HSPG2: variants seen among roughly 807,000 people sequenced by gnomAD.
The protein encoded by HSPG2 is heparan sulfate proteoglycan 2.
A neutral mutation model predicts 526.6 loss-of-function variants in HSPG2; 278 were observed. The ratio of observed to expected loss-of-function variants is 0.53; its 90% CI spans 0.48 to 0.58. The LOEUF is 0.58. Among genes scored for constraint, HSPG2 ranks in the 20% least tolerant of loss-of-function variants. The pLI, the probability that HSPG2 is intolerant of heterozygous loss-of-function variation, is 0.00. For synonymous variants in HSPG2, 2,465 were observed against 2,555.4 expected (o/e 0.96, Z 1.07); for missense variants, 5,354 against 6,099.5 (o/e 0.88, Z 4.07).
At chr1:21,870,934 G>C in intron 33 of HSPG2, 1 of 951,568 alleles carries the variant, frequency 1.1e-6, no homozygotes, top group Non-Finnish European at 1.3e-6. Context: ...TTGCAGGACA[G>C]GGCAGCAGGG....
intron 1 of HSPG2, among the ~76,000 whole-genome samples, chr1:21,897,287 C>T (rs1642820304): frequency 6.6e-6 from 1 of 152,210 alleles, no homozygotes; most frequent in South Asian, 2.1e-4. Context: ...CACAGACTGG[C>T]AATGGCCTGG....
At chr1:21,878,746 C>A (rs1267353605) in intron 18 of HSPG2, 83 bp from the exon 19 acceptor site, 1 of 1,350,604 alleles carries the variant, frequency 7.4e-7, no homozygotes, top group Non-Finnish European at 1.1e-6. Flanking sequence ...CTGCTGTCTA[C>A]ACAGACACAG....
In HSPG2 at chr1:21,872,755, C is replaced by G. The variant is rs147438001; in HGVS notation, c.3894G>C (p.Gln1298His). The G allele has an allele frequency of 1.4e-5, 22 of 1,608,236 alleles. No homozygotes were observed. The African/African-American group carries it at 2.7e-4, about 20-fold the overall frequency. ...AGTGGCTGCAAGTGAGGCCTTCCAC[C>G]TGGGCCTGGGTAGACGGATGGAAGG... ...DAAGQCQCKA[Q>H]VEGLTCSHCR... The change falls in exon 32 of 97, where the codon CAG (glutamine) becomes CAC (histidine). Residue 1298 changes from glutamine (Q) to histidine (H), a missense_variant. Coordinates refer to ENST00000374695, the MANE Select transcript of HSPG2 (RefSeq NM_005529.7). The surrounding 1 kb of genome is among the most constrained non-coding windows in gnomAD (Gnocchi z 5.5).
intron 1 of HSPG2, among the ~76,000 whole-genome samples, chr1:21,907,715 T>C (rs1202075534): frequency 2.0e-5 from 3 of 152,166 alleles, no homozygotes; most frequent in African/African-American, 7.2e-5. Context: ...GGTCTCGCTA[T>C]GTTGCCCAGG....
rs772757002 is a variant in HSPG2, at chr1:21,823,661, G to C, written c.12958C>G (p.Pro4320Ala). Residue 4320 changes from proline to alanine, a missense_variant, in exon 96 of 97, where the codon CCA becomes GCA. Physicochemically the swap from Pro to Ala is conservative, Grantham distance 27. Transcript: ENST00000374695. The stretch of plus-strand genomic sequence containing the variant: ...GCGTTGACTGCCACGTTGGGACCTG[G>C]GGACCGGCCGCTGACCAGCTCCTCA... ...DGEELVSGRS[P>A]GPNVAVNAKG... 2 of 1,613,630 alleles carry C rather than the reference G, an allele frequency of 1.2e-6. No homozygotes were observed. The highest frequency in any genetic ancestry group is 2.2e-5 in the South Asian group (2 of 91,070).
rs1477381176 is a variant in HSPG2, at chr1:21,854,225, T to C, written c.6407A>G (p.His2136Arg). 1.3e-6 allele frequency: 2 copies of C among 1,596,144 alleles called. No homozygotes were observed. The highest frequency in any genetic ancestry group is 8.5e-7 in the Non-Finnish European group (1 of 1,171,120). ...KEASITVSVL[H>R]GTHSGPSYTP... ...GTAGCTGGGGCCAGAATGGGTGCCG[T>C]GGAGCACAGACACAGTAATGGAGGC... The change falls in exon 50 of 97, where the codon CAC (histidine) becomes CGC (arginine). Residue 2136 changes from histidine to arginine, a missense_variant. His to Arg is a conservative substitution (Grantham distance 29). Coordinates refer to ENST00000374695, the MANE Select transcript of HSPG2 (RefSeq NM_005529.7).
Position 21,843,339 on chromosome 1 carries a change from C to A in HSPG2, c.8716G>T (p.Val2906Phe), listed in dbSNP as rs770457359. The A allele has an allele frequency of 4.3e-6, 7 of 1,614,130 alleles. No individual in the cohort carries two copies. In the Admixed American group the frequency reaches 5.0e-5, roughly 12 times the overall value. ...TGSSGTLEAS[V>F]LVTIEPSSPG... is the part of the protein sequence containing the mutation. ...CTGGAGGGCTCAATTGTGACCAGGA[C>A]AGATGCCTCCAGGGTGCCTGAGCTT... Residue 2906 changes from valine to phenylalanine, a missense_variant, in exon 66 of 97, where the codon GTC becomes TTC. Coordinates refer to ENST00000374695, the MANE Select transcript of HSPG2 (RefSeq NM_005529.7).
chr1:21,890,827 A>G lies in HSPG2; in HGVS notation c.245-133T>C. 1.4e-6 allele frequency: 1 copy of G among 717,484 alleles called. No individual in the cohort carries two copies. The highest frequency in any genetic ancestry group is 2.7e-5 in the East Asian group (1 of 37,408). The allele number at this position is 717,484 out of a possible 1,614,324, so 44.4% of individuals were successfully genotyped here. A position where few individuals can be genotyped will look rare whatever the true frequency, so the allele number is the denominator to read the frequency against. ...CCTCGAGGCTGACACCTGTGTGCCC[A>G]CTGCTACACCCAGGACTGCCTGTAG... On this transcript the variant is annotated intron_variant, in intron 3 of 96. Transcript: ENST00000374695. This position sits in a 1 kb window ranked among gnomAD's most constrained non-coding sequence, Gnocchi z 4.1.
At chr1:21,868,532 G>A (rs1015850168) in intron 33 of HSPG2, among the ~76,000 whole-genome samples, 3 of 152,234 alleles carry the variant, frequency 2.0e-5, no homozygotes, top group African/African-American at 7.2e-5. Flanking sequence ...GCAGCACACA[G>A]TAAATAATTA....
chr1:21,873,476 C>T (rs759889218), intron 29 of HSPG2, 52 bp from the exon 30 acceptor site: 1 of 1,576,970 alleles, frequency 6.3e-7, no homozygotes, highest in East Asian at 2.2e-5. Flanking sequence ...AAGCAGAACC[C>T]CAGGGCTGGG....
intron 37 of HSPG2, among the ~76,000 whole-genome samples, chr1:21,863,694 C>A (rs1640003054): frequency 6.8e-6 from 1 of 147,798 alleles, no homozygotes; most frequent in Admixed American, 6.9e-5. Flanking sequence ...GAGACTGAGA[C>A]CCTGTCTCAA....
intron 28 of HSPG2, 107 bp downstream of exon 28, chr1:21,874,299 G>C: frequency 6.9e-7 from 1 of 1,444,310 alleles, no homozygotes. Context: ...AGGCAGTAAG[G>C]CCAGGATTTA....
chr1:21,887,892 C>T lies in HSPG2; in HGVS notation c.703+46G>A, dbSNP rs1427197136. ...CAAGACCCAGGTGTAGGACCCTGGC[C>T]CTCCCCTGGCACCCAAACCACTCGT... On this transcript the variant is annotated intron_variant, in intron 7 of 96. Coordinates refer to ENST00000374695, the MANE Select transcript of HSPG2 (RefSeq NM_005529.7). This position sits in a 1 kb window ranked among gnomAD's most constrained non-coding sequence, Gnocchi z 5.0. The T allele has an allele frequency of 1.2e-6, 2 of 1,613,354 alleles. No homozygotes were observed. The highest frequency in any genetic ancestry group is 2.2e-5 in the East Asian group (1 of 44,874).
chr1:21,870,841 G>A, intron 33 of HSPG2: 1 of 986,242 alleles, frequency 1.0e-6, no homozygotes, highest in Non-Finnish European at 1.2e-6. Flanking sequence ...TACCTGGTGA[G>A]CCCGGCGCAT....
chr1:21,869,211 T>G (rs1009204885), intron 33 of HSPG2, among the ~76,000 whole-genome samples: 12 of 152,170 alleles, frequency 7.9e-5, no homozygotes, highest in Non-Finnish European at 1.6e-4. Flanking sequence ...CGGCTTCTCC[T>G]CCCATCTGGT....
rs992390034 is a variant in HSPG2, at chr1:21,858,965, T to A, written c.5293+601A>T. ...CAACTGCTCACGGTGGCAATCTGCT[T>A]GGTGACACAGCCTTTATGGACGCCC... On this transcript the variant is annotated intron_variant, in intron 42 of 96. Coordinates refer to ENST00000374695, the MANE Select transcript of HSPG2 (RefSeq NM_005529.7). This position sits in a 1 kb window ranked among gnomAD's most constrained non-coding sequence, Gnocchi z 4.2. 2.6e-5 allele frequency among the ~76,000 whole-genome samples: 4 copies of A among 151,982 alleles called. No individual in the cohort carries two copies. The highest frequency in any genetic ancestry group is 9.7e-5 in the African/African-American group (4 of 41,346).
chr1:21,847,682 T>G lies in HSPG2; in HGVS notation c.8025+7A>C. The G allele has an allele frequency of 6.2e-7, 1 of 1,606,324 alleles. No individual in the cohort carries two copies. The highest frequency in any genetic ancestry group is 1.1e-5 in the South Asian group (1 of 90,016). Reference sequence around the variant, plus strand: ...TCCACCCCCGCTGCTGTGGCTCCACTCTGTACCTGGTGTCGGGAGGGAAGG... The same window carrying G: ...TCCACCCCCGCTGCTGTGGCTCCACGCTGTACCTGGTGTCGGGAGGGAAGG... On this transcript the variant is annotated splice_region_variant and intron_variant, in intron 61 of 96. Coordinates refer to ENST00000374695, the MANE Select transcript of HSPG2 (RefSeq NM_005529.7). This position sits in a 1 kb window ranked among gnomAD's most constrained non-coding sequence, Gnocchi z 4.1.
Position 21,854,840 on chromosome 1 carries a change from G to A in HSPG2, c.6133+8C>T. The A allele has an allele frequency of 6.2e-7, 1 of 1,613,764 alleles. No homozygotes were observed. On this transcript the variant is annotated splice_region_variant and intron_variant, in intron 48 of 96. Transcript: ENST00000374695. The stretch of plus-strand genomic sequence containing the variant: ...CTCCCCACCCCTCCATTCCCAGAGA[G>A]TCCGTACCTGAAAGGACAACCACTT...
intron 64 of HSPG2, 97 bp downstream of exon 64, chr1:21,846,000 CAGTTCTCGCCG>C: frequency 7.5e-7 from 1 of 1,334,816 alleles, no homozygotes; most frequent in African/African-American, 1.4e-5. Flanking sequence ...ATCAGAGCGG[CAGTTCTCGCCG>C]AGTGCCAGAA....
Sources: gnomAD v4.1 joint callset for allele counts (sites outside exome capture counted in the v4.1 genomes callset) on GRCh38, gnomAD v4.1.1 for gene constraint, Gnocchi (gnomAD v3.1) non-coding constraint, MANE v1.5 for transcripts, NCBI Gene and HGNC (gene_info 2026-07-23, HGNC 2026-07-21) for gene names.